The following TACR3 variants were observed in gnomAD, a reference collection of about 807,000 sequenced individuals.
TACR3 encodes neuromedin-K receptor.
In TACR3, 34 loss-of-function variants were observed where a neutral mutation model predicts 35.0. The observed-to-expected ratio is 0.97, with a 90% CI of 0.74 to 1.30. The LOEUF (loss-of-function observed/expected upper bound fraction) is 1.30. Among genes scored for constraint, TACR3 ranks in the 50% most tolerant of loss-of-function variants. TACR3 has a pLI of 0.00. For missense variants in TACR3, 558 were observed against 591.7 expected, an observed-to-expected ratio of 0.94 and a Z score of 0.59; for synonymous variants, 233 against 221.1, an observed-to-expected ratio of 1.05 and a Z score of -0.48.
At chr4:103,694,064 T>G (rs553758535) in intron 1 of TACR3, among the ~76,000 whole-genome samples, 112 of 152,240 alleles carry the variant, frequency 7.4e-4, no homozygotes, top group Middle Eastern at 3.4e-3. Context: ...ACATTAAAAA[T>G]TTTTTTCTTT....
chr4:103,628,461 G>C (rs1431120893), intron 3 of TACR3, among the ~76,000 whole-genome samples: 1 of 152,134 alleles, frequency 6.6e-6, no homozygotes, highest in Non-Finnish European at 1.5e-5. Flanking sequence ...AAATGATAAA[G>C]GGGATATCAC....
intron 3 of TACR3, among the ~76,000 whole-genome samples, chr4:103,640,746 C>T (rs142554699): frequency 1.4e-3 from 205 of 151,064 alleles, no homozygotes; most frequent in Admixed American, 1.9e-3. Flanking sequence ...TTTTTTTTTA[C>T]GATTTTTTTT....
intron 3 of TACR3, among the ~76,000 whole-genome samples, chr4:103,650,699 T>TA (rs1249241459): frequency 1.6e-3 from 11 of 7,026 alleles, no homozygotes; most frequent in African/African-American, 0.015. Flanking sequence ...TAATATATAT[T>TA]TATATATATA....
chr4:103,596,870 C>G (rs13139861), intron 3 of TACR3, among the ~76,000 whole-genome samples: 13 of 151,474 alleles, frequency 8.6e-5, no homozygotes, highest in South Asian at 6.3e-4. Flanking sequence ...TTTGTCCTTG[C>G]GATAGTTTGC....
At chr4:103,627,164 G>A (rs1309489968) in intron 3 of TACR3, among the ~76,000 whole-genome samples, 5 of 125,460 alleles carry the variant, frequency 4.0e-5, no homozygotes, top group African/African-American at 1.5e-4. Context: ...CCCAAGTGAC[G>A]GTGTGAGACT....
At chr4:103,619,917 TAAAG>T (rs2110303157) in intron 3 of TACR3, among the ~76,000 whole-genome samples, 1 of 152,076 alleles carries the variant, frequency 6.6e-6, no homozygotes. Flanking sequence ...CTAATTAAAA[TAAAG>T]AGTTTCTGCA....
At chr4:103,605,671 G>T (rs938484801) in intron 3 of TACR3, among the ~76,000 whole-genome samples, 3 of 151,928 alleles carry the variant, frequency 2.0e-5, no homozygotes, top group African/African-American at 7.2e-5. Flanking sequence ...TTTTCGATGG[G>T]GTTGTTTTTT....
At chr4:103,653,681 G>C (rs1002833906) in intron 3 of TACR3, among the ~76,000 whole-genome samples, 13 of 151,884 alleles carry the variant, frequency 8.6e-5, no homozygotes, top group East Asian at 1.9e-4. Flanking sequence ...GGCAACAAAA[G>C]CCAAAATTGA....
At chr4:103,595,816 T>C (rs916494564) in intron 3 of TACR3, among the ~76,000 whole-genome samples, 18 of 151,468 alleles carry the variant, frequency 1.2e-4, no homozygotes, top group African/African-American at 3.9e-4. Context: ...TAGTTACATA[T>C]GTATACATGT....
chr4:103,622,713 C>T (rs1202592172), intron 3 of TACR3, among the ~76,000 whole-genome samples: 1 of 151,976 alleles, frequency 6.6e-6, no homozygotes, highest in Non-Finnish European at 1.5e-5. Flanking sequence ...TGAGTCTAGC[C>T]AAAAATATGT....
At chr4:103,694,997 T>C (rs536610398) in intron 1 of TACR3, among the ~76,000 whole-genome samples, 14 of 152,286 alleles carry the variant, frequency 9.2e-5, no homozygotes, top group African/African-American at 2.9e-4. Context: ...TCCTATCTCA[T>C]TGGACAATTT....
At chr4:103,703,818 T>C (rs955524293) in intron 1 of TACR3, among the ~76,000 whole-genome samples, 4 of 151,906 alleles carry the variant, frequency 2.6e-5, no homozygotes, top group Non-Finnish European at 2.9e-5. Flanking sequence ...TGGTAATACA[T>C]GGCCGGCCGT....
chr4:103,695,585 A>G (rs1282173057), intron 1 of TACR3, among the ~76,000 whole-genome samples: 1 of 152,132 alleles, frequency 6.6e-6, no homozygotes. Flanking sequence ...TAAGGCTTCC[A>G]GTGAAGTAAA....
intron 2 of TACR3, among the ~76,000 whole-genome samples, chr4:103,657,172 TTAAAG>T (rs1484483346): frequency 6.6e-6 from 1 of 152,090 alleles, no homozygotes; most frequent in Non-Finnish European, 1.5e-5. Context: ...TTGGAAAGCT[TTAAAG>T]TAATTAAAAA....
At chr4:103,606,940 A>C (rs941077536) in intron 3 of TACR3, among the ~76,000 whole-genome samples, 1 of 152,072 alleles carries the variant, frequency 6.6e-6, no homozygotes, top group Non-Finnish European at 1.5e-5. Context: ...CCCATTCAGT[A>C]TGATATTGGC....
In TACR3 at chr4:103,650,695, ATATT is replaced by A. The variant is rs1163753610; in HGVS notation, c.888+5495_888+5498del. ...ATATATATTATATCATATATAATAT[ATATT>A]TATATATATAAATATATATAAATAA... On this transcript the variant is annotated intron_variant, in intron 3 of 4. Coordinates refer to ENST00000304883, the MANE Select transcript of TACR3 (RefSeq NM_001059.3). Among the ~76,000 whole-genome samples the A allele has an allele frequency of 3.9e-4, 3 of 7,596 alleles. 1 individual carries two copies. The highest frequency in any genetic ancestry group is 5.3e-4 in the Non-Finnish European group (3 of 5,640). The allele number at this position is 7,596 out of a possible 152,430, so 5.0% of individuals were successfully genotyped here. A position where few individuals can be genotyped will look rare whatever the true frequency, so the allele number is the denominator to read the frequency against.
chr4:103,616,998 TGA>T (rs1724674499), intron 3 of TACR3, among the ~76,000 whole-genome samples: 2 of 152,252 alleles, frequency 1.3e-5, no homozygotes, highest in African/African-American at 2.4e-5. Context: ...TCCACAAATC[TGA>T]GATGACCCAC....
Position 103,691,073 on chromosome 4 carries a change from A to G in TACR3, c.548+28055T>C, listed in dbSNP as rs140114198. On this transcript the variant is annotated intron_variant, in intron 1 of 4. Coordinates refer to ENST00000304883, the MANE Select transcript of TACR3 (RefSeq NM_001059.3). ...AGTGCAGTTTCTTATAAAGTTAAAT[A>G]TATGTTTTCTATACAACCCAACAAT... is the stretch of plus-strand genomic sequence containing the variant. 4.1e-3 allele frequency among the ~76,000 whole-genome samples: 628 copies of G among 152,294 alleles called. 3 individuals are homozygous for G. The highest frequency in any genetic ancestry group is 0.015 in the African/African-American group (611 of 41,568).
chr4:103,654,065 G>A (rs1186762556), intron 3 of TACR3, among the ~76,000 whole-genome samples: 6 of 140,962 alleles, frequency 4.3e-5, no homozygotes, highest in Non-Finnish European at 9.0e-5. Flanking sequence ...TGGAGAGGAT[G>A]TGGGGAAATA....
Sources: allele counts gnomAD v4.1 joint callset (sites outside exome capture counted in the v4.1 genomes callset), GRCh38; gene constraint gnomAD v4.1.1; transcripts MANE v1.5; gene names NCBI Gene and HGNC (gene_info 2026-07-23, HGNC 2026-07-21).